Variants in APBA2 observed in about 807,000 individuals in gnomAD.
APBA2 encodes amyloid-beta A4 precursor protein-binding family A member 2.
Under a neutral mutation model 75.0 loss-of-function variants are expected in APBA2, and 30 were observed. The ratio of observed to expected loss-of-function variants is 0.40; its 90% CI spans 0.30 to 0.54. The LOEUF (loss-of-function observed/expected upper bound fraction) is 0.54, where lower values mean the gene tolerates loss of function less well. Ranked by LOEUF, APBA2 falls within the 20% of genes least tolerant of loss-of-function variation. The probability of loss-of-function intolerance (pLI) is 0.49; values close to 1 mark genes in which losing one functional copy is unlikely to be tolerated. For synonymous variants in APBA2, 444 were observed against 409.6 expected (o/e 1.08, Z -1.01); for missense variants, 801 against 1,016.1 (o/e 0.79, Z 2.88).
chr15:28,950,357 G>A (rs924188084), intron 2 of APBA2, among the ~76,000 whole-genome samples: 1 of 151,874 alleles, frequency 6.6e-6, no homozygotes, highest in Non-Finnish European at 1.5e-5. Flanking sequence ...AGCGGGGTGC[G>A]GTGGCTCATG....
rs545114265 is a variant in APBA2 at position 28,989,282 on chromosome 15, A to G, written c.-94-6471A>G. Among the ~76,000 whole-genome samples, 19 of 152,278 alleles carry G rather than the reference A, an allele frequency of 1.2e-4. No individual in the cohort carries two copies. The South Asian group carries it at 3.3e-3, about 27-fold the overall frequency. On this transcript the variant is annotated intron_variant, in intron 2 of 14. Coordinates refer to ENST00000683413, the MANE Select transcript of APBA2 (RefSeq NM_001353788.2). The stretch of plus-strand genomic sequence containing the variant: ...TTGCCAGGGTTAAATCCCAGCTTCA[A>G]CACTTCCTGTGTGGCCTTAGGCTTA...
intron 2 of APBA2, among the ~76,000 whole-genome samples, chr15:28,966,438 A>G (rs973253367): frequency 4.6e-5 from 7 of 152,108 alleles, no homozygotes; most frequent in Admixed American, 4.6e-4. Flanking sequence ...ATTATGTAAT[A>G]TTATTCCTTG....
chr15:28,998,316 T>G (rs1391464852), intron 3 of APBA2, among the ~76,000 whole-genome samples: 4 of 152,000 alleles, frequency 2.6e-5, no homozygotes, highest in Non-Finnish European at 4.4e-5. Context: ...AATCAGCGAT[T>G]ATCCTGAAGG....
chr15:28,907,839 G>A (rs991897083), intron 1 of APBA2, among the ~76,000 whole-genome samples: 4 of 152,190 alleles, frequency 2.6e-5, no homozygotes, highest in African/African-American at 7.2e-5. Context: ...TTTCCCCAGG[G>A]GAGTGGCTGC....
chr15:28,965,748 T>A (rs568214017), intron 2 of APBA2, among the ~76,000 whole-genome samples: 24 of 152,316 alleles, frequency 1.6e-4, no homozygotes, highest in Non-Finnish European at 2.5e-4. Context: ...GGTGTTGCAT[T>A]TAACAGTCTT....
At chr15:28,897,158 C>T (rs1566779107) in intron 1 of APBA2, among the ~76,000 whole-genome samples, 1 of 149,836 alleles carries the variant, frequency 6.7e-6, no homozygotes, top group Non-Finnish European at 1.5e-5. Flanking sequence ...AGAGAACACC[C>T]AGTAGGAAAA....
chr15:28,970,777 A>T (rs2037024268), intron 2 of APBA2, among the ~76,000 whole-genome samples: 1 of 151,692 alleles, frequency 6.6e-6, no homozygotes, highest in Admixed American at 6.6e-5. Context: ...AAAAAAAAAT[A>T]AAAGCAACAA....
intron 14 of APBA2, among the ~76,000 whole-genome samples, chr15:29,114,401 A>T (rs2044929616): frequency 6.6e-6 from 1 of 151,558 alleles, no homozygotes; most frequent in Admixed American, 6.6e-5. Context: ...CACTGGCTGA[A>T]CCCCCCACAG....
chr15:29,084,470 G>T (rs889068802), intron 6 of APBA2, among the ~76,000 whole-genome samples: 2 of 152,126 alleles, frequency 1.3e-5, no homozygotes, highest in Non-Finnish European at 2.9e-5. Context: ...CCCTTTCCCA[G>T]ATTATTCTAA....
At chr15:29,022,110 A>G (rs1051024232) in intron 3 of APBA2, among the ~76,000 whole-genome samples, 11 of 152,188 alleles carry the variant, frequency 7.2e-5, no homozygotes, top group African/African-American at 2.7e-4. Flanking sequence ...GTGGGAGTGC[A>G]GACTTCTCTC....
intron 8 of APBA2, among the ~76,000 whole-genome samples, chr15:29,095,373 T>C (rs1165596377): frequency 2.6e-5 from 4 of 151,904 alleles, no homozygotes; most frequent in African/African-American, 9.7e-5. Flanking sequence ...GAGGTCGCAG[T>C]GAGCCGAGAT....
intron 4 of APBA2, among the ~76,000 whole-genome samples, chr15:29,056,584 C>T (rs1471821159): frequency 3.7e-3 from 3 of 820 alleles, no homozygotes; most frequent in African/African-American, 9.5e-3. Flanking sequence ...CTTCCTCCCT[C>T]CCTCCCTCCC....
At chr15:28,949,657 C>T (rs557602157) in intron 2 of APBA2, among the ~76,000 whole-genome samples, 26 of 152,232 alleles carry the variant, frequency 1.7e-4, no homozygotes, top group East Asian at 3.9e-4. Flanking sequence ...TTTGTAGAAA[C>T]GGGGTCTCAC....
intron 1 of APBA2, among the ~76,000 whole-genome samples, chr15:28,902,814 G>C (rs1417556617): frequency 1.3e-5 from 2 of 152,120 alleles, no homozygotes; most frequent in Non-Finnish European, 2.9e-5. Flanking sequence ...AAACCTCACT[G>C]TTCCCCCATC....
rs57326919 is a variant in APBA2 at position 29,039,098 on chromosome 15, GGTGTGTGTGTGTGTGTGTGTGTGTGT to G, written c.-40-14714_-40-14689del. On this transcript the variant is annotated intron_variant, in intron 3 of 14. Coordinates refer to ENST00000683413, the MANE Select transcript of APBA2 (RefSeq NM_001353788.2). The stretch of plus-strand genomic sequence containing the variant: ...CAGCCTTATTTCAGCTGTATGTCAG[GGTGTGTGTGTGTGTGTGTGTGTGTGT>G]GTGTGTGTGTGTGTGTGTGTGTGTG... Among the ~76,000 whole-genome samples, 277 of 106,294 alleles carry G rather than the reference GGTGTGTGTGTGTGTGTGTGTGTGTGT, an allele frequency of 2.6e-3. 2 individuals carry two copies. The highest frequency in any genetic ancestry group is 9.3e-3 in the African/African-American group (263 of 28,380). 69.7% of individuals were successfully genotyped at this position (106,294 alleles called of 152,430 possible). A position where few individuals can be genotyped will look rare whatever the true frequency, so the allele number is the denominator to read the frequency against.
rs138680751 is a variant in APBA2, at chr15:29,053,884, C to T, written c.-1C>T. 83 of 1,610,698 alleles carry T rather than the reference C, an allele frequency of 5.2e-5. No homozygotes were observed. In the East Asian group the frequency reaches 1.8e-3, roughly 36 times the overall value. The stretch of plus-strand genomic sequence containing the variant: ...TGATGATGGCTGTGTGAACGACTGC[C>T]ATGGCCCACCGGAAGCTTGAGAGCG... On this transcript the variant is annotated 5_prime_UTR_variant, in exon 4 of 15. Coordinates refer to ENST00000683413, the MANE Select transcript of APBA2 (RefSeq NM_001353788.2).
intron 9 of APBA2, among the ~76,000 whole-genome samples, chr15:29,101,173 A>G (rs911004517): frequency 1.3e-5 from 2 of 151,636 alleles, no homozygotes; most frequent in African/African-American, 4.9e-5. Context: ...CCGGCCCCAA[A>G]TGTCAGGAGA....
intron 2 of APBA2, among the ~76,000 whole-genome samples, chr15:28,983,634 C>T (rs2037743383): frequency 6.6e-6 from 1 of 152,220 alleles, no homozygotes; most frequent in South Asian, 2.1e-4. Flanking sequence ...GGGCCCCACC[C>T]ACCCACCTCG....
intron 2 of APBA2, among the ~76,000 whole-genome samples, chr15:28,983,255 G>A (rs575550753): frequency 9.9e-5 from 15 of 152,280 alleles, no homozygotes; most frequent in Admixed American, 3.9e-4. Flanking sequence ...TTGGGGAGGC[G>A]TCATGTAAGG....
Sources: allele counts gnomAD v4.1 joint callset (sites outside exome capture counted in the v4.1 genomes callset), GRCh38; gene constraint gnomAD v4.1.1; transcripts MANE v1.5; gene names NCBI Gene and HGNC (gene_info 2026-07-23, HGNC 2026-07-21).